Variants in PDE1C observed in about 807,000 individuals in gnomAD.
PDE1C encodes the protein dual specificity calcium/calmodulin-dependent 3',5'-cyclic nucleotide phosphodiesterase 1C.
In PDE1C, 62 loss-of-function variants were observed where a neutral mutation model predicts 93.1. The ratio of observed to expected loss-of-function variants is 0.67; its 90% CI spans 0.54 to 0.82. The LOEUF is 0.82. Among genes scored for constraint, PDE1C ranks in the 40% least tolerant of loss-of-function variants. PDE1C has a pLI of 0.00. For synonymous variants in PDE1C, 325 were observed against 310.1 expected, an observed-to-expected ratio of 1.05 and a Z score of -0.50; for missense variants, 742 against 884.6, an observed-to-expected ratio of 0.84 and a Z score of 2.04.
chr7:32,060,714 A>ATTT (rs56982110), intron 1 of PDE1C, among the ~76,000 whole-genome samples: 1 of 150,568 alleles, frequency 6.6e-6, no homozygotes, highest in Non-Finnish European at 1.5e-5. Flanking sequence ...CGATTCTTTC[A>ATTT]TTTTTTTTTT....
chr7:32,392,894 C>G (rs569466487), intron 1 of PDE1C, among the ~76,000 whole-genome samples: 2 of 151,496 alleles, frequency 1.3e-5, no homozygotes, highest in Admixed American at 6.6e-5. Context: ...ACTAAAAATA[C>G]AAAAATTAGC....
chr7:31,927,618 C>T (rs1047618831), intron 2 of PDE1C, among the ~76,000 whole-genome samples: 10 of 152,208 alleles, frequency 6.6e-5, no homozygotes, highest in African/African-American at 2.4e-4. Flanking sequence ...GCAATCTTTG[C>T]TTTTCTGCAG....
intron 1 of PDE1C, among the ~76,000 whole-genome samples, chr7:32,337,526 G>A (rs545279459): frequency 1.3e-5 from 2 of 152,318 alleles, no homozygotes; most frequent in East Asian, 3.9e-4. Context: ...AAACTTACAA[G>A]TTGGCAGATT....
At chr7:31,722,406 A>G in the PDE1C span, among the ~76,000 whole-genome samples, 1 of 152,244 alleles carries the variant, frequency 6.6e-6, no homozygotes, top group African/African-American at 2.4e-5. Context: ...GGCTAGACAC[A>G]AAACAGACAA....
At chr7:32,201,611 T>G (rs913313316) in intron 2 of PDE1C, among the ~76,000 whole-genome samples, 1 of 152,090 alleles carries the variant, frequency 6.6e-6, no homozygotes, top group Non-Finnish European at 1.5e-5. Context: ...CTGCTCTGCA[T>G]GAGAGATCCC....
intron 3 of PDE1C, among the ~76,000 whole-genome samples, chr7:32,138,017 T>G (rs554141747): frequency 1.3e-5 from 2 of 152,316 alleles, no homozygotes; most frequent in East Asian, 1.9e-4. Context: ...CAACTCCCTA[T>G]GAGAATTTAG....
intron 3 of PDE1C, among the ~76,000 whole-genome samples, chr7:32,107,597 A>T (rs1290822723): frequency 6.6e-6 from 1 of 152,230 alleles, no homozygotes; most frequent in African/African-American, 2.4e-5. Flanking sequence ...GCTTTCTCAG[A>T]TGAACAAAAA....
At chr7:31,686,792 C>G in the PDE1C span, 1 of 151,986 alleles carries the variant, frequency 6.6e-6, no homozygotes, top group African/African-American at 2.4e-5. Flanking sequence ...CAGTAGCTAC[C>G]CTTCTCTTCC....
chr7:32,407,062 T>C (rs547059577), intron 1 of PDE1C, among the ~76,000 whole-genome samples: 1 of 152,128 alleles, frequency 6.6e-6, no homozygotes, highest in Admixed American at 6.5e-5. Flanking sequence ...AATCACGAGG[T>C]CAGGAGCTCG....
the PDE1C span, among the ~76,000 whole-genome samples, chr7:31,646,829 T>C: frequency 6.6e-6 from 1 of 152,218 alleles, no homozygotes; most frequent in East Asian, 1.9e-4. Flanking sequence ...TTCTAATGCC[T>C]TGTCTCCTAT....
At chr7:31,616,836 T>A in the PDE1C span, among the ~76,000 whole-genome samples, 1 of 152,118 alleles carries the variant, frequency 6.6e-6, no homozygotes, top group Non-Finnish European at 1.5e-5. Flanking sequence ...TTCAAACAAT[T>A]ATCAGATATC....
At chr7:31,691,795 AT>A in the PDE1C span, among the ~76,000 whole-genome samples, 1 of 93,718 alleles carries the variant, frequency 1.1e-5, no homozygotes, top group Admixed American at 1.1e-4. Flanking sequence ...GAATGTAATG[AT>A]TAAAAAAAAA....
intron 1 of PDE1C, among the ~76,000 whole-genome samples, chr7:32,263,766 T>A (rs1810389957): frequency 6.6e-6 from 1 of 152,160 alleles, no homozygotes; most frequent in South Asian, 2.1e-4. Flanking sequence ...CCCAACACTT[T>A]TTTTATAAGA....
At position 32,339,010 on chromosome 7, in the gene PDE1C, G is replaced by GCACACACA. The variant is rs57740255; in HGVS notation, c.310+88804_310+88811dup. On this transcript the variant is annotated intron_variant, in intron 1 of 1. Transcript: ENST00000672256. ...AGAGCTAGACTCCATCTCAAAAAAA[G>GCACACACA]CACACACACACACACACACACACAC... Among the ~76,000 whole-genome samples, 653 of 138,626 alleles carry GCACACACA rather than the reference G, an allele frequency of 4.7e-3. 8 individuals carry two copies. The highest frequency in any genetic ancestry group is 0.016 in the African/African-American group (595 of 36,592). The allele number at this position is 138,626 out of a possible 152,430, so 90.9% of individuals were successfully genotyped here. A position where few individuals can be genotyped will look rare whatever the true frequency, so the allele number is the denominator to read the frequency against.
chr7:32,172,771 G>A (rs1234017704), intron 2 of PDE1C, among the ~76,000 whole-genome samples: 7 of 148,208 alleles, frequency 4.7e-5, no homozygotes, highest in Admixed American at 2.1e-4. Context: ...GCAGTGAGCC[G>A]AGATGGTGCC....
chr7:32,043,899 C>T (rs1792168619), intron 2 of PDE1C, among the ~76,000 whole-genome samples: 1 of 152,146 alleles, frequency 6.6e-6, no homozygotes, highest in South Asian at 2.1e-4. Flanking sequence ...AACTGCAAAG[C>T]CATTTGAAAG....
chr7:32,357,656 A>G (rs1162097653), intron 1 of PDE1C, among the ~76,000 whole-genome samples: 1 of 152,158 alleles, frequency 6.6e-6, no homozygotes, highest in African/African-American at 2.4e-5. Context: ...TCACTGTAAC[A>G]AGCCCCCGTT....
At chr7:32,214,231 A>AT (rs60295113) in intron 1 of PDE1C, among the ~76,000 whole-genome samples, 94 of 151,946 alleles carry the variant, frequency 6.2e-4, no homozygotes, top group Non-Finnish European at 7.7e-4. Context: ...ATATATATAT[A>AT]AAATATGTTT....
chr7:31,801,919 G>A (rs1786102941), intron 16 of PDE1C, among the ~76,000 whole-genome samples: 1 of 151,412 alleles, frequency 6.6e-6, no homozygotes, highest in Non-Finnish European at 1.5e-5. Flanking sequence ...CGATACAAGT[G>A]TAATTTTGTT....
Sources: allele counts gnomAD v4.1 joint callset (sites outside exome capture counted in the v4.1 genomes callset), GRCh38; gene constraint gnomAD v4.1.1; transcripts MANE v1.5; gene names NCBI Gene and HGNC (gene_info 2026-07-23, HGNC 2026-07-21).